SEMA3E: variants seen among roughly 807,000 people sequenced by gnomAD.
SEMA3E encodes semaphorin-3E.
SEMA3E carries 49 observed loss-of-function variants against 93.6 expected under a neutral mutation model. That is an observed-to-expected ratio of 0.52 (90% CI 0.42 to 0.66). SEMA3E has a LOEUF of 0.66. SEMA3E is among the 30% of genes least tolerant of loss of function. The probability of loss-of-function intolerance (pLI) is 0.00; values close to 1 mark genes in which losing one functional copy is unlikely to be tolerated. For synonymous variants in SEMA3E, 363 were observed against 330.7 expected, an observed-to-expected ratio of 1.10 and a Z score of -1.06; for missense variants, 906 against 964.8, an observed-to-expected ratio of 0.94 and a Z score of 0.81.
chr7:83,412,176 G>T (rs1457442302), intron 5 of SEMA3E, among the ~76,000 whole-genome samples: 1 of 152,010 alleles, frequency 6.6e-6, no homozygotes, highest in Non-Finnish European at 1.5e-5. Context: ...CCTGGTTATT[G>T]TCCGCTTTTT....
chr7:83,552,833 T>C (rs534147035), intron 1 of SEMA3E, among the ~76,000 whole-genome samples: 19 of 152,276 alleles, frequency 1.2e-4, no homozygotes, highest in African/African-American at 4.6e-4. Flanking sequence ...ATTTAAGATA[T>C]TTATCAAGAC....
In SEMA3E at chr7:83,453,318, G is replaced by T. The variant is rs1789402376; in HGVS notation, c.456+13164C>A. ...GTGCTGGGATTACAGGCATGAGCTGGATATTTATTGGGTAGCTACTATGTT... is the reference window on the plus strand; with the variant it reads ...GTGCTGGGATTACAGGCATGAGCTGTATATTTATTGGGTAGCTACTATGTT... On this transcript the variant is annotated intron_variant, in intron 4 of 16. Transcript: ENST00000643230. Among the ~76,000 whole-genome samples the T allele has an allele frequency of 2.6e-5, 4 of 151,516 alleles. No individual in the cohort carries two copies. The Middle Eastern group carries it at 0.01, about 387-fold the overall frequency.
chr7:83,387,017 A>C lies in SEMA3E; in HGVS notation c.1701T>G (p.Asn567Lys). The change falls in exon 15 of 17, where the codon AAT becomes AAG. Residue 567 changes from asparagine (N) to lysine (K), a missense_variant. Asn to Lys is a moderately conservative substitution (Grantham distance 94). Coordinates refer to ENST00000643230, the MANE Select transcript of SEMA3E (RefSeq NM_012431.3). ...RFRRQDVRHG[N>K]AAQQCFGQQF... is the part of the protein sequence containing the mutation. Reference sequence around the variant, plus strand: ...GTTGTCCAAAGCACTGCTGAGCTGCATTTCCATGTCGAACATCTTGTCTCC... The same window carrying C: ...GTTGTCCAAAGCACTGCTGAGCTGCCTTTCCATGTCGAACATCTTGTCTCC... The C allele has an allele frequency of 6.2e-7, 1 of 1,613,418 alleles. No individual in the cohort carries two copies. Among genetic ancestry groups the C allele is most frequent in the Non-Finnish European group, 8.5e-7 (1 of 1,179,664 alleles).
chr7:83,611,706 A>G (rs1260015275), intron 1 of SEMA3E, among the ~76,000 whole-genome samples: 2 of 151,826 alleles, frequency 1.3e-5, no homozygotes, highest in African/African-American at 4.8e-5. Flanking sequence ...TCCTTCATCA[A>G]TATCACTCAT....
chr7:83,428,475 A>G (rs1237777691), intron 4 of SEMA3E, among the ~76,000 whole-genome samples: 1 of 152,214 alleles, frequency 6.6e-6, no homozygotes, highest in East Asian at 1.9e-4. Context: ...TTGTTACACA[A>G]TGTCTCAAAT....
chr7:83,413,381 G>A (rs1023062022), intron 5 of SEMA3E, among the ~76,000 whole-genome samples: 2 of 152,188 alleles, frequency 1.3e-5, no homozygotes, highest in Non-Finnish European at 2.9e-5. Context: ...TAAATAATGT[G>A]AAACATATTT....
In SEMA3E at chr7:83,412,421, G is replaced by A. The variant is rs185856774; in HGVS notation, c.551-3934C>T. ...AAATATATCAGAAGTTCCTTTCAGG[G>A]TTTAAAAAAGGTTATGAAAGGCTGT... On this transcript the variant is annotated intron_variant, in intron 5 of 16. Transcript: ENST00000643230. 5.9e-4 allele frequency among the ~76,000 whole-genome samples: 90 copies of A among 152,122 alleles called. 1 individual carries two copies. The highest frequency in any genetic ancestry group is 1.1e-3 in the Non-Finnish European group (77 of 68,006).
At chr7:83,610,720 G>C (rs1793234873) in intron 1 of SEMA3E, among the ~76,000 whole-genome samples, 1 of 152,002 alleles carries the variant, frequency 6.6e-6, no homozygotes, top group African/African-American at 2.4e-5. Context: ...AAATGAGATG[G>C]GGAGGGACAC....
intron 1 of SEMA3E, among the ~76,000 whole-genome samples, chr7:83,547,143 A>G (rs1204834120): frequency 6.6e-6 from 1 of 152,152 alleles, no homozygotes; most frequent in African/African-American, 2.4e-5. Context: ...TTCTTAGAAT[A>G]CTGATTTAAC....
chr7:83,454,041 G>A (rs1311191467), intron 4 of SEMA3E, among the ~76,000 whole-genome samples: 2 of 151,212 alleles, frequency 1.3e-5, no homozygotes, highest in Admixed American at 6.6e-5. Context: ...GGTGGATCAC[G>A]AGGTCAGGAG....
At chr7:83,394,362 T>A in intron 12 of SEMA3E, 24 bp from the exon 13 acceptor site, 1 of 1,594,600 alleles carries the variant, frequency 6.3e-7, no homozygotes. Context: ...AAAGTTTTCA[T>A]TTTTAAGAAA....
At chr7:83,495,115 T>A (rs1471519576) in intron 1 of SEMA3E, among the ~76,000 whole-genome samples, 1 of 151,930 alleles carries the variant, frequency 6.6e-6, no homozygotes, top group Non-Finnish European at 1.5e-5. Context: ...CTAGACTAAA[T>A]AAGTTGGCCT....
intron 2 of SEMA3E, among the ~76,000 whole-genome samples, chr7:83,470,309 A>G (rs1789864889): frequency 6.6e-6 from 1 of 151,410 alleles, no homozygotes; most frequent in South Asian, 2.1e-4. Context: ...TTCTAATTGC[A>G]AAACTTAATT....
rs60682192 is a variant in SEMA3E at position 83,363,859 on chromosome 7, CATTTTTTTTTT to C, written c.*3716_*3726del. 2.2e-4 allele frequency: 22 copies of C among 100,554 alleles called. No homozygotes were observed. Among genetic ancestry groups the C allele is most frequent in the African/African-American group, 6.5e-4 (14 of 21,450 alleles). The allele number at this position is 100,554 out of a possible 1,614,324, so 6.2% of individuals were successfully genotyped here. A position where few individuals can be genotyped will look rare whatever the true frequency, so the allele number is the denominator to read the frequency against. ...AGGCTACAGGTGTCACAGGTCAATTCATTTTTTTTTTTTTTTTTTTTTTTTTTTTTTTTTTT... is the reference window on the plus strand; with the variant it reads ...AGGCTACAGGTGTCACAGGTCAATTCTTTTTTTTTTTTTTTTTTTTTTTTT... On this transcript the variant is annotated 3_prime_UTR_variant, in exon 17 of 17. Transcript: ENST00000643230.
At chr7:83,486,116 C>T (rs1237298145) in intron 2 of SEMA3E, among the ~76,000 whole-genome samples, 1 of 152,082 alleles carries the variant, frequency 6.6e-6, no homozygotes, top group Admixed American at 6.6e-5. Flanking sequence ...CTCCTGGGCT[C>T]AAGCAATCCT....
intron 4 of SEMA3E, among the ~76,000 whole-genome samples, chr7:83,452,364 A>T (rs1204138194): frequency 6.6e-6 from 1 of 152,156 alleles, no homozygotes; most frequent in African/African-American, 2.4e-5. Context: ...CTGTGAATTA[A>T]GCCTCCTAGT....
intron 1 of SEMA3E, among the ~76,000 whole-genome samples, chr7:83,491,912 G>A (rs140751886): frequency 4.0e-4 from 61 of 152,120 alleles, no homozygotes; most frequent in Non-Finnish European, 7.4e-4. Context: ...TTTGCATACA[G>A]CAAGAGAAGC....
chr7:83,646,635 T>C (rs2115727662), intron 1 of SEMA3E, among the ~76,000 whole-genome samples: 1 of 152,230 alleles, frequency 6.6e-6, no homozygotes, highest in African/African-American at 2.4e-5. Flanking sequence ...CTAGCGGTTT[T>C]ACTCTCACAC....
chr7:83,465,250 G>A (rs932020824), intron 4 of SEMA3E, among the ~76,000 whole-genome samples: 4 of 151,612 alleles, frequency 2.6e-5, no homozygotes, highest in African/African-American at 7.3e-5. Context: ...CCCAAATCCT[G>A]TAAAACGGCC....
Sources: allele counts gnomAD v4.1 joint callset (sites outside exome capture counted in the v4.1 genomes callset), GRCh38; gene constraint gnomAD v4.1.1; transcripts MANE v1.5; gene names NCBI Gene and HGNC (gene_info 2026-07-23, HGNC 2026-07-21).